The following UBE3D variants were observed in gnomAD, a reference collection of about 807,000 sequenced individuals.
UBE3D encodes the protein E3 ubiquitin-protein ligase E3D.
A neutral mutation model predicts 49.6 loss-of-function variants in UBE3D; 48 were observed. The observed-to-expected ratio is 0.97, with a 90% confidence interval of 0.77 to 1.23. UBE3D has a LOEUF of 1.23. Ranked by LOEUF, UBE3D falls within the 50% of genes most tolerant of loss-of-function variation. The pLI is 0.00. For synonymous variants in UBE3D, 189 were observed against 174.2 expected, an observed-to-expected ratio of 1.08 and a Z score of -0.67; for missense variants, 452 against 468.4, an observed-to-expected ratio of 0.96 and a Z score of 0.32.
At chr6:82,935,960 A>G (rs1774539167) in intron 9 of UBE3D, among the ~76,000 whole-genome samples, 1 of 152,158 alleles carries the variant, frequency 6.6e-6, no homozygotes, top group South Asian at 2.1e-4. Flanking sequence ...TGTATTAGGT[A>G]ATGAACATGA....
intron 8 of UBE3D, among the ~76,000 whole-genome samples, chr6:82,966,143 G>A (rs1004140425): frequency 5.3e-5 from 8 of 151,998 alleles, no homozygotes; most frequent in African/African-American, 1.9e-4. Context: ...GTCTTTTAAG[G>A]CATTCCTCAT....
At chr6:82,961,645 T>C (rs188018908) in intron 8 of UBE3D, among the ~76,000 whole-genome samples, 22 of 152,362 alleles carry the variant, frequency 1.4e-4, no homozygotes, top group African/African-American at 5.3e-4. Flanking sequence ...TAACTGAATC[T>C]GCTAATGCCT....
At chr6:82,888,357 T>C (rs1770926738), downstream of UBE3D, among the ~76,000 whole-genome samples, 1 of 151,370 alleles carries the variant, frequency 6.6e-6, no homozygotes, top group Non-Finnish European at 1.5e-5. Context: ...ACAAATAGAG[T>C]GCATACAAAT....
chr6:82,948,062 T>C (rs1775530985), intron 9 of UBE3D, among the ~76,000 whole-genome samples: 1 of 151,316 alleles, frequency 6.6e-6, no homozygotes, highest in Non-Finnish European at 1.5e-5. Context: ...GAAAACAATA[T>C]AAAAGATCGA....
intron 8 of UBE3D, among the ~76,000 whole-genome samples, chr6:83,002,183 CCTTTTGTT>C (rs1261312634): frequency 1.3e-5 from 2 of 152,124 alleles, no homozygotes; most frequent in Non-Finnish European, 2.9e-5. Context: ...GTACTTTCTA[CCTTTTGTT>C]CTATTTTCTT....
chr6:82,883,886 C>A, the UBE3D span, among the ~76,000 whole-genome samples: 1 of 152,022 alleles, frequency 6.6e-6, no homozygotes, highest in Non-Finnish European at 1.5e-5. Flanking sequence ...CAGGTTGAAC[C>A]CAAACAGTGC....
intron 8 of UBE3D, among the ~76,000 whole-genome samples, chr6:83,002,553 C>G (rs947116975): frequency 1.3e-5 from 2 of 152,166 alleles, no homozygotes; most frequent in African/African-American, 4.8e-5. Flanking sequence ...GGCGTGGTAG[C>G]GGGCACCTGT....
intron 8 of UBE3D, among the ~76,000 whole-genome samples, chr6:83,012,599 G>A (rs112320667): frequency 0.031 from 4,678 of 152,282 alleles, 102 homozygotes; most frequent in Admixed American, 0.064. Context: ...GAGGTCACTC[G>A]TTGGTAAGCT....
chr6:82,984,507 A>G (rs1015989972), intron 8 of UBE3D, among the ~76,000 whole-genome samples: 11 of 152,224 alleles, frequency 7.2e-5, no homozygotes, highest in Non-Finnish European at 1.2e-4. Context: ...CATTTTGTAT[A>G]TCTACCAAAG....
At chr6:82,997,099 T>C (rs1028967340) in intron 8 of UBE3D, among the ~76,000 whole-genome samples, 32 of 152,288 alleles carry the variant, frequency 2.1e-4, no homozygotes, top group African/African-American at 7.5e-4. Flanking sequence ...TTCTAAATTT[T>C]AGTAATTCTA....
At chr6:82,936,545 T>A (rs905267800) in intron 9 of UBE3D, among the ~76,000 whole-genome samples, 5 of 152,156 alleles carry the variant, frequency 3.3e-5, no homozygotes, top group Non-Finnish European at 7.4e-5. Flanking sequence ...AGAGTCAAGA[T>A]AAGGAGCCAG....
chr6:83,042,554 CAG>C (rs1179299164), intron 4 of UBE3D, among the ~76,000 whole-genome samples: 3 of 152,212 alleles, frequency 2.0e-5, no homozygotes, highest in African/African-American at 7.2e-5. Context: ...AGCAGCCTAA[CAG>C]TGTGGGAACT....
chr6:83,036,969 C>G (rs970554288), intron 5 of UBE3D: 1 of 151,962 alleles, frequency 6.6e-6, no homozygotes, highest in Admixed American at 6.5e-5. Context: ...TCAGTGTCTG[C>G]AAGTCTTTTC....
At chr6:82,983,342 T>C (rs939755531) in intron 8 of UBE3D, among the ~76,000 whole-genome samples, 1 of 152,078 alleles carries the variant, frequency 6.6e-6, no homozygotes, top group African/African-American at 2.4e-5. Flanking sequence ...GATAACTTCT[T>C]TTCTATTAAA....
chr6:83,048,738 T>A (rs1055628482), intron 3 of UBE3D, among the ~76,000 whole-genome samples: 37 of 152,118 alleles, frequency 2.4e-4, no homozygotes, highest in Admixed American at 5.9e-4. Flanking sequence ...GCAGAAAAAA[T>A]TTTTTTGATG....
chr6:83,013,925 T>C (rs1296661611), intron 8 of UBE3D, among the ~76,000 whole-genome samples: 2 of 152,098 alleles, frequency 1.3e-5, no homozygotes, highest in Non-Finnish European at 2.9e-5. Context: ...AATAGGATTA[T>C]GACACAAAGA....
At chr6:82,897,310 G>A (rs1321867380) in intron 9 of UBE3D, among the ~76,000 whole-genome samples, 2 of 152,046 alleles carry the variant, frequency 1.3e-5, no homozygotes, top group Non-Finnish European at 2.9e-5. Context: ...CAGTTTCTTG[G>A]CCAGGCGCGG....
intron 8 of UBE3D, among the ~76,000 whole-genome samples, chr6:83,009,762 T>G (rs770641696): frequency 6.8e-6 from 1 of 146,034 alleles, no homozygotes; most frequent in Non-Finnish European, 1.5e-5. Flanking sequence ...ATAGGTATAA[T>G]AAATTTTCAG....
intron 8 of UBE3D, among the ~76,000 whole-genome samples, chr6:82,970,704 TG>T (rs1349424641): frequency 2.0e-5 from 3 of 152,118 alleles, no homozygotes; most frequent in Admixed American, 1.3e-4. Context: ...CCGGGCGTGG[TG>T]GCAGGCATCT....
Sources: allele counts gnomAD v4.1 joint callset (sites outside exome capture counted in the v4.1 genomes callset), GRCh38; gene constraint gnomAD v4.1.1; transcripts MANE v1.5; gene names NCBI Gene and HGNC (gene_info 2026-07-23, HGNC 2026-07-21).